Variants in NAALADL2 observed in about 807,000 individuals in gnomAD.
The protein encoded by NAALADL2 is N-acetylated alpha-linked acidic dipeptidase like 2.
In NAALADL2, 76 loss-of-function variants were observed where a neutral mutation model predicts 87.2. The ratio of observed to expected loss-of-function variants is 0.87; its 90% confidence interval spans 0.72 to 1.05. NAALADL2 has a LOEUF of 1.05. NAALADL2 is among the 50% of genes least tolerant of loss of function. The pLI is 0.00. For synonymous variants in NAALADL2, 354 were observed against 331.0 expected, an observed-to-expected ratio of 1.07 and a Z score of -0.75; for missense variants, 1,089 against 945.8, an observed-to-expected ratio of 1.15 and a Z score of -1.99.
intron 5 of NAALADL2, among the ~76,000 whole-genome samples, chr3:175,439,731 C>CTTTT (rs535237866): frequency 8.8e-6 from 1 of 113,784 alleles, no homozygotes; most frequent in Non-Finnish European, 1.8e-5. Flanking sequence ...GTTTTTTTTT[C>CTTTT]TTTTTTTTCT....
intron 5 of NAALADL2, among the ~76,000 whole-genome samples, chr3:175,340,597 G>A (rs1762469503): frequency 1.3e-5 from 2 of 152,280 alleles, no homozygotes; most frequent in South Asian, 2.1e-4. Context: ...AGTGTTGGGA[G>A]TAGCTTTGTG....
At chr3:174,912,826 T>C (rs1044214073) in intron 1 of NAALADL2, among the ~76,000 whole-genome samples, 2 of 152,302 alleles carry the variant, frequency 1.3e-5, no homozygotes, top group Admixed American at 6.5e-5. Context: ...ATCATTAATC[T>C]CTCATCATTT....
intron 2 of NAALADL2, among the ~76,000 whole-genome samples, chr3:175,174,680 A>C (rs990488667): frequency 1.3e-5 from 2 of 152,068 alleles, no homozygotes; most frequent in Non-Finnish European, 2.9e-5. Flanking sequence ...ATAAAAGTTC[A>C]TATATAAGAT....
At chr3:174,496,576 T>C (rs186862079) in intron 1 of NAALADL2, among the ~76,000 whole-genome samples, 2 of 150,624 alleles carry the variant, frequency 1.3e-5, no homozygotes, top group Non-Finnish European at 3.0e-5. Context: ...TATATGTTAC[T>C]ATCTGTTTAG....
chr3:175,551,097 T>C (rs1212055648), intron 9 of NAALADL2, among the ~76,000 whole-genome samples: 1 of 152,094 alleles, frequency 6.6e-6, no homozygotes, highest in Non-Finnish European at 1.5e-5. Context: ...CGTGTGTGTG[T>C]GTGTGTGTTT....
At chr3:175,690,317 A>G (rs1736876696) in intron 11 of NAALADL2, among the ~76,000 whole-genome samples, 1 of 151,914 alleles carries the variant, frequency 6.6e-6, no homozygotes, top group African/African-American at 2.4e-5. Flanking sequence ...CTGTATTCTC[A>G]CATCTGTTAA....
intron 1 of NAALADL2, among the ~76,000 whole-genome samples, chr3:174,944,141 A>C (rs1292147946): frequency 1.3e-5 from 2 of 152,180 alleles, no homozygotes; most frequent in Non-Finnish European, 2.9e-5. Flanking sequence ...GCTGTGAAAC[A>C]GCAAAGATGA....
At chr3:175,283,010 TAAC>T (rs1754504119) in intron 4 of NAALADL2, among the ~76,000 whole-genome samples, 2 of 151,798 alleles carry the variant, frequency 1.3e-5, no homozygotes, top group South Asian at 4.1e-4. Flanking sequence ...CAATGATCAG[TAAC>T]AACAAGACTT....
At chr3:174,483,636 G>T (rs888322899) in intron 1 of NAALADL2, among the ~76,000 whole-genome samples, 5 of 152,022 alleles carry the variant, frequency 3.3e-5, no homozygotes, top group African/African-American at 1.2e-4. Context: ...AGAATGTAAA[G>T]TAACTTCCAG....
chr3:174,892,017 T>C (rs1730916667), intron 1 of NAALADL2, among the ~76,000 whole-genome samples: 1 of 152,156 alleles, frequency 6.6e-6, no homozygotes, highest in Admixed American at 6.5e-5. Flanking sequence ...ATTCCTGGGC[T>C]TGGGGTGCCC....
At chr3:175,538,736 A>G (rs1449063600) in intron 9 of NAALADL2, among the ~76,000 whole-genome samples, 4 of 152,212 alleles carry the variant, frequency 2.6e-5, no homozygotes, top group Non-Finnish European at 5.9e-5. Context: ...GAAATATTTT[A>G]TATCTGAAAA....
At chr3:174,711,677 A>G (rs1192583025) in intron 2 of NAALADL2, among the ~76,000 whole-genome samples, 1 of 152,176 alleles carries the variant, frequency 6.6e-6, no homozygotes, top group East Asian at 1.9e-4. Flanking sequence ...TATTCTGTCC[A>G]GACTATGTGT....
chr3:175,440,524 T>A (rs1233115570), intron 5 of NAALADL2, among the ~76,000 whole-genome samples: 1 of 152,184 alleles, frequency 6.6e-6, no homozygotes, highest in East Asian at 1.9e-4. Context: ...GATCATAGGA[T>A]GTGTTTCCAT....
At chr3:175,049,333 A>G (rs751140053) in intron 1 of NAALADL2, among the ~76,000 whole-genome samples, 1 of 152,198 alleles carries the variant, frequency 6.6e-6, no homozygotes, top group Non-Finnish European at 1.5e-5. Flanking sequence ...ATGGTGAGCT[A>G]TTTGAAATTT....
At chr3:175,333,117 G>A (rs1206623005) in intron 5 of NAALADL2, among the ~76,000 whole-genome samples, 1 of 152,234 alleles carries the variant, frequency 6.6e-6, no homozygotes, top group East Asian at 1.9e-4. Context: ...GACAATGGCA[G>A]TAGCAGTGGC....
intron 6 of NAALADL2, among the ~76,000 whole-genome samples, chr3:175,454,395 T>C (rs1384251575): frequency 6.6e-6 from 1 of 152,118 alleles, no homozygotes; most frequent in East Asian, 1.9e-4. Flanking sequence ...CTCTGCTTAA[T>C]GTCAGGTAAC....
chr3:175,186,122 T>C (rs1278048480), intron 2 of NAALADL2, among the ~76,000 whole-genome samples: 1 of 152,102 alleles, frequency 6.6e-6, no homozygotes, highest in Non-Finnish European at 1.5e-5. Context: ...AGTTTAAATA[T>C]TTGACCACTT....
At chr3:175,056,100 G>T (rs114870011) in intron 1 of NAALADL2, among the ~76,000 whole-genome samples, 38,538 of 151,736 alleles carry the variant, frequency 0.25, 5,211 homozygotes, top group African/African-American at 0.35. Flanking sequence ...AGTCACTGAG[G>T]CAACTACTTT....
chr3:175,372,264 A>G (rs1766602005), intron 5 of NAALADL2, among the ~76,000 whole-genome samples: 1 of 152,192 alleles, frequency 6.6e-6, no homozygotes. Flanking sequence ...CCTAATACCT[A>G]GCTATATTTA....
Sources: gnomAD v4.1 joint callset for allele counts (sites outside exome capture counted in the v4.1 genomes callset) on GRCh38, gnomAD v4.1.1 for gene constraint, MANE v1.5 for transcripts, NCBI Gene and HGNC (gene_info 2026-07-23, HGNC 2026-07-21) for gene names.